Variants in JAK3 observed in about 807,000 individuals in gnomAD.
JAK3 encodes Janus kinase 3.
Under a neutral mutation model 120.8 loss-of-function variants are expected in JAK3, and 88 were observed. The ratio of observed to expected loss-of-function variants is 0.73; its 90% CI spans 0.61 to 0.87. JAK3 has a LOEUF of 0.87. Among genes scored for constraint, JAK3 ranks in the 40% least tolerant of loss-of-function variants. The pLI is 0.00. For synonymous variants in JAK3, 592 were observed against 628.6 expected, an observed-to-expected ratio of 0.94 and a Z score of 0.87; for missense variants, 1,254 against 1,501.4, an observed-to-expected ratio of 0.84 and a Z score of 2.72.
At position 17,825,380 on chromosome 19, in the gene JAK3, G is replaced by T. The variant is rs561294941; in HGVS notation, c.*1363C>A. 2 of 223,914 alleles carry T rather than the reference G, an allele frequency of 8.9e-6. No homozygotes were observed. The highest frequency in any genetic ancestry group is 1.3e-4 in the East Asian group (2 of 15,518). 13.9% of individuals were successfully genotyped at this position (223,914 alleles called of 1,614,324 possible). On this transcript the variant is annotated 3_prime_UTR_variant, in exon 24 of 24. Coordinates refer to ENST00000458235, the MANE Select transcript of JAK3 (RefSeq NM_000215.4). ...GTCATCCCTTTGTGCCCCTTGTAGG[G>T]TGAGGACAGAAAGGGTCCCATTGGA...
chr19:17,842,716 G>A lies in JAK3; in HGVS notation c.567-106C>T. ...GCCCAGGGGCTGGGGTGCGGCCCTA[G>A]TTGGGGCACCAGGCACACACAGACT... is the stretch of plus-strand genomic sequence containing the variant. On this transcript the variant is annotated intron_variant, in intron 5 of 23. Coordinates refer to ENST00000458235, the MANE Select transcript of JAK3 (RefSeq NM_000215.4). This position sits in a 1 kb window ranked among gnomAD's most constrained non-coding sequence, Gnocchi z 6.4. 8.3e-7 allele frequency: 1 copy of A among 1,200,508 alleles called. No individual in the cohort carries two copies. The highest frequency in any genetic ancestry group is 1.1e-6 in the Non-Finnish European group (1 of 874,962). 74.4% of individuals were successfully genotyped at this position (1,200,508 alleles called of 1,614,324 possible). A position where few individuals can be genotyped will look rare whatever the true frequency, so the allele number is the denominator to read the frequency against.
At chr19:17,836,582 A>C in intron 13 of JAK3, 1 of 332,154 alleles carries the variant, frequency 3.0e-6, no homozygotes. Flanking sequence ...TCTGTATCTC[A>C]CTTCTAACCC....
At position 17,841,715 on chromosome 19, in the gene JAK3, G is replaced by A. The variant is rs768850889; in HGVS notation, c.909C>T (p.Ile303=). The part of the protein sequence containing the change: ...CDFPEIVDIS[I]KQAPRVGPAG... Reference sequence around the variant, plus strand: ...CCGGGCCAACGCGCGGGGCCTGCTTGATGCTAATGTCTACGATTTCTGGAA... The same window carrying A: ...CCGGGCCAACGCGCGGGGCCTGCTTAATGCTAATGTCTACGATTTCTGGAA... The change falls in exon 7 of 24, where the codon ATC becomes ATT. Residue 303 remains isoleucine (I), a synonymous_variant. Transcript: ENST00000458235. The surrounding 1 kb of genome is among the most constrained non-coding windows in gnomAD (Gnocchi z 4.1). 23 of 1,612,978 alleles carry A rather than the reference G, an allele frequency of 1.4e-5. No individual in the cohort carries two copies. In the South Asian group the frequency reaches 2.4e-4, roughly 17 times the overall value.
Position 17,840,262 on chromosome 19 carries a change from A to G in JAK3, c.1222T>C (p.Phe408Leu). ...SYVLRRSPQD[F>L]DSFLLTVCVQ... ...CAGACAGTGAGGAGGAAGCTGTCAA[A>G]GTCCTGGGGGCTGCGGCGGAGAACA... The change falls in exon 9 of 24, where the codon TTT becomes CTT. Residue 408 changes from phenylalanine to leucine, a missense_variant. This residue lies in a region of JAK3 where 486 missense variants were observed against 503.0 expected (regional missense o/e 0.97). Coordinates refer to ENST00000458235, the MANE Select transcript of JAK3 (RefSeq NM_000215.4). 1 of 1,613,900 alleles carries G rather than the reference A, an allele frequency of 6.2e-7. No homozygotes were observed. Among genetic ancestry groups the G allele is most frequent in the South Asian group, 1.1e-5 (1 of 91,072 alleles).
In JAK3 at chr19:17,838,653, T is replaced by C. The variant is rs3212748; in HGVS notation, c.1442-263A>G. Among the ~76,000 whole-genome samples, 4,829 of 151,818 alleles carry C rather than the reference T, an allele frequency of 0.032. 238 individuals carry two copies. The highest frequency in any genetic ancestry group is 0.11 in the African/African-American group (4,540 of 41,326). The stretch of plus-strand genomic sequence containing the variant: ...CTCCACCTCCCAGGTTCAAGCGATT[T>C]TCCTGCCTCGGCCTCCCGAATAGCT... On this transcript the variant is annotated intron_variant, in intron 10 of 23. Transcript: ENST00000458235.
intron 23 of JAK3, among the ~76,000 whole-genome samples, chr19:17,828,157 ACCACCC>A (rs1254641416): frequency 6.6e-6 from 1 of 151,450 alleles, no homozygotes; most frequent in African/African-American, 2.4e-5. Context: ...GCCCTCTTTG[ACCACCC>A]CCACCCCACC....
chr19:17,840,204 A>G (rs1373838471), intron 9 of JAK3, 26 bp downstream of exon 9: 1 of 1,520,608 alleles, frequency 6.6e-7, no homozygotes, highest in Admixed American at 1.7e-5. Flanking sequence ...GCAGCCCTCC[A>G]CTACCCACCC....
At chr19:17,834,451 G>C in intron 17 of JAK3, 120 bp downstream of exon 17, 1 of 1,098,266 alleles carries the variant, frequency 9.1e-7, no homozygotes. Flanking sequence ...GACTGTCACA[G>C]TCACCAACCC....
rs1434959025 is a variant in JAK3, at chr19:17,839,491, A to G, written c.1427T>C (p.Ile476Thr). 6.3e-7 allele frequency: 1 copy of G among 1,587,186 alleles called. No individual in the cohort carries two copies. The highest frequency in any genetic ancestry group is 8.6e-7 in the Non-Finnish European group (1 of 1,166,092). Residue 476 changes from isoleucine to threonine, a missense_variant, in exon 10 of 24, where the codon ATC becomes ACC. Transcript: ENST00000458235. ...GVAVTLTSCC[I>T]PRPKEKSNLI... ...AAGGGGCTCACCTTTGGGTCTGGGG[A>G]TACAGCAGGAAGTGAGGGTCACTGC... is the stretch of plus-strand genomic sequence containing the variant.
rs752515408 is a variant in JAK3, at chr19:17,825,362, CT to C, written c.*1380del. ...GTTCCTGCCAGGTTTGGTGTCATCCCTTTGTGCCCCTTGTAGGGTGAGGACA... is the reference window on the plus strand; with the variant it reads ...GTTCCTGCCAGGTTTGGTGTCATCCCTTGTGCCCCTTGTAGGGTGAGGACA... On this transcript the variant is annotated 3_prime_UTR_variant, in exon 24 of 24. Coordinates refer to ENST00000458235, the MANE Select transcript of JAK3 (RefSeq NM_000215.4). 5.8e-5 allele frequency: 13 copies of C among 225,360 alleles called. No homozygotes were observed. Among genetic ancestry groups the C allele is most frequent in the Non-Finnish European group, 9.7e-5 (11 of 113,214 alleles). 14.0% of individuals were successfully genotyped at this position (225,360 alleles called of 1,614,324 possible).
In JAK3 at chr19:17,831,874, A is replaced by T. The variant is rs902597348; in HGVS notation, c.2681-76T>A. 3 of 1,584,862 alleles carry T rather than the reference A, an allele frequency of 1.9e-6. No homozygotes were observed. The highest frequency in any genetic ancestry group is 2.7e-5 in the African/African-American group (2 of 74,342). On this transcript the variant is annotated intron_variant, in intron 19 of 23. Transcript: ENST00000458235. This position sits in a 1 kb window ranked among gnomAD's most constrained non-coding sequence, Gnocchi z 5.1. The stretch of plus-strand genomic sequence containing the variant: ...CATTCTTCCCCCCTTTCACAGTGGG[A>T]CCTTGTGTCCCTCTCGACCTCAGTT...
chr19:17,836,725 G>A (rs561470291), intron 13 of JAK3: 19 of 427,802 alleles, frequency 4.4e-5, no homozygotes, highest in South Asian at 4.0e-4. Flanking sequence ...TGGCCCAGCA[G>A]CCTCTCTGAC....
At position 17,832,549 on chromosome 19, in the gene JAK3, C is replaced by G; in HGVS notation, c.2650G>C (p.Val884Leu). ...CCATAGCTGACACCACGATACTTGACAATGAAATCACTGTGCAGTGCTTTG... is the reference window on the plus strand; with the variant it reads ...CCATAGCTGACACCACGATACTTGAGAATGAAATCACTGTGCAGTGCTTTG... ...ILKALHSDFI[V>L]KYRGVSYGPG... Residue 884 changes from valine to leucine, a missense_variant, in exon 19 of 24, where the codon GTC (valine) becomes CTC (leucine). Around this residue, in one of 3 missense-constraint regions of JAK3, gnomAD observed 630 missense variants for 819.8 expected, o/e 0.77. Transcript: ENST00000458235. The surrounding 1 kb of genome is among the most constrained non-coding windows in gnomAD (Gnocchi z 4.7). 6.2e-7 allele frequency: 1 copy of G among 1,614,240 alleles called. No homozygotes were observed. The highest frequency in any genetic ancestry group is 8.5e-7 in the Non-Finnish European group (1 of 1,180,048).
In JAK3 at chr19:17,842,284, T is replaced by G. The variant is rs1301652750; in HGVS notation, c.861+32A>C. On this transcript the variant is annotated intron_variant, in intron 6 of 23. Coordinates refer to ENST00000458235, the MANE Select transcript of JAK3 (RefSeq NM_000215.4). The surrounding 1 kb of genome is among the most constrained non-coding windows in gnomAD (Gnocchi z 6.4). ...CCCTCCCCGAGCCCCGCCCCCACGT[T>G]GGCCCCGCCCAGCGGGGGAGTCCGC... 5 of 1,505,600 alleles carry G rather than the reference T, an allele frequency of 3.3e-6. No homozygotes were observed. The highest frequency in any genetic ancestry group is 4.2e-5 in the Admixed American group (2 of 48,170). The allele number at this position is 1,505,600 out of a possible 1,614,324, so 93.3% of individuals were successfully genotyped here.
At position 17,834,712 on chromosome 19, in the gene JAK3, A is replaced by G; in HGVS notation, c.2209T>C (p.Phe737Leu). 4.3e-6 allele frequency: 7 copies of G among 1,613,958 alleles called. No individual in the cohort carries two copies. The highest frequency in any genetic ancestry group is 5.9e-6 in the Non-Finnish European group (7 of 1,179,974). The change falls in exon 17 of 24, where the codon TTT (phenylalanine) becomes CTT (leucine). Residue 737 changes from phenylalanine to leucine, a missense_variant. Phe to Leu is a conservative substitution (Grantham distance 22). This residue lies in a region of JAK3 where 630 missense variants were observed against 819.8 expected (regional missense o/e 0.77). Transcript: ENST00000458235. ...GGCAGCTGCTGCCGGTCCTCATAAA[A>G]TTGGAGTTTCTGAGGGTGAGAGGAG... The part of the protein sequence containing the change: ...SALDPAKKLQ[F>L]YEDRQQLPAP...
intron 8 of JAK3, 149 bp from the exon 9 acceptor site, chr19:17,840,490 G>A (rs1402861932): frequency 7.5e-5 from 49 of 653,762 alleles, no homozygotes; most frequent in Admixed American, 4.2e-4. Flanking sequence ...TGGGCCAGGC[G>A]CCGTGGCTCA....
At chr19:17,844,557 G>T in intron 1 of JAK3, 127 bp from the exon 2 acceptor site, 1 of 770,012 alleles carries the variant, frequency 1.3e-6, no homozygotes, top group Non-Finnish European at 2.1e-6. Flanking sequence ...ACAGCATTTT[G>T]GGAGGCCGAG....
At chr19:17,839,729 CTTTT>C in intron 9 of JAK3, 66 bp from the exon 10 acceptor site, 4 of 1,134,078 alleles carry the variant, frequency 3.5e-6, no homozygotes, top group Non-Finnish European at 5.0e-6. Context: ...GTCCTTCTTC[CTTTT>C]TTTTCTTTTT....
In JAK3 at chr19:17,843,893, C is replaced by T. The variant is rs771814824; in HGVS notation, c.192G>A (p.Leu64=). The T allele has an allele frequency of 5.0e-6, 8 of 1,613,574 alleles. No individual in the cohort carries two copies. The African/African-American group carries it at 1.1e-4, about 22-fold the overall frequency. ...CVQAAKASGI[L]PVYHSLFALA... ...GAGCAAAGAGGGAGTGGTACACAGG[C>T]AGGATGCCTACAGGGGATGGTCCCA... Residue 64 remains leucine (L), a synonymous_variant, in exon 3 of 24, where the codon CTG becomes CTA. Coordinates refer to ENST00000458235, the MANE Select transcript of JAK3 (RefSeq NM_000215.4). This position sits in a 1 kb window ranked among gnomAD's most constrained non-coding sequence, Gnocchi z 5.4.
Sources: gnomAD v4.1 joint callset for allele counts (sites outside exome capture counted in the v4.1 genomes callset) on GRCh38, gnomAD v4.1.1 for gene constraint, gnomAD v4.1.1 regional missense constraint, Gnocchi (gnomAD v3.1) non-coding constraint, MANE v1.5 for transcripts, NCBI Gene and HGNC (gene_info 2026-07-23, HGNC 2026-07-21) for gene names.